The following CLEC4E variants were observed in gnomAD, a reference collection of about 807,000 sequenced individuals.
CLEC4E encodes C-type (calcium dependent, carbohydrate-recognition domain) lectin, superfamily member 9.
Under a neutral mutation model 24.7 loss-of-function variants are expected in CLEC4E, and 21 were observed. That is an observed-to-expected ratio of 0.85 (90% CI 0.60 to 1.22). The LOEUF is 1.22. CLEC4E is among the 50% of genes most tolerant of loss of function. The pLI is 0.00. For synonymous variants in CLEC4E, 94 were observed against 85.7 expected (o/e 1.10, Z -0.54); for missense variants, 249 against 254.1 (o/e 0.98, Z 0.14).
rs111994062 is a variant in CLEC4E, at chr12:8,539,839, G to A, written c.130+16C>T. On this transcript the variant is annotated intron_variant, in intron 2 of 5. Transcript: ENST00000299663. ...CACCAGGAAGAATTAAATTGAATTT[G>A]ACCTTCAGAACCCACCAACACATCT... 1,396 of 1,514,016 alleles carry A rather than the reference G, an allele frequency of 9.2e-4. 14 individuals carry two copies. In the African/African-American group the frequency reaches 0.016, roughly 17 times the overall value. The allele number at this position is 1,514,016 out of a possible 1,614,324, so 93.8% of individuals were successfully genotyped here. A position where few individuals can be genotyped will look rare whatever the true frequency, so the allele number is the denominator to read the frequency against.
chr12:8,536,590 C>G (rs770574551), intron 4 of CLEC4E, among the ~76,000 whole-genome samples: 1 of 152,018 alleles, frequency 6.6e-6, no homozygotes, highest in African/African-American at 2.4e-5. Flanking sequence ...TGAGAAATAA[C>G]AGATAAGTGA....
chr12:8,535,608 C>T (rs796229065), intron 5 of CLEC4E, among the ~76,000 whole-genome samples: 3 of 152,096 alleles, frequency 2.0e-5, no homozygotes, highest in African/African-American at 7.2e-5. Flanking sequence ...CACTCCCTAA[C>T]AAATCATGAG....
At chr12:8,538,081 A>G (rs1351646536) in intron 3 of CLEC4E, among the ~76,000 whole-genome samples, 1 of 152,222 alleles carries the variant, frequency 6.6e-6, no homozygotes, top group Non-Finnish European at 1.5e-5. Flanking sequence ...GTTAAGTGTC[A>G]AGGGAAAACA....
Position 8,539,251 on chromosome 12 carries a change from A to G in CLEC4E, c.186T>C (p.Asn62=). The change falls in exon 3 of 6, where the codon AAT becomes AAC. Residue 62 remains asparagine (N), a synonymous_variant. Transcript: ENST00000299663. The part of the protein sequence containing the change: ...CDEKKFQLPE[N]FTELSCYNYG... Reference sequence around the variant, plus strand: ...AATTGTAGCAGGAGAGCTCTGTGAAATTCTCAGGTAGCTGAAACTTTTTCT... The same window carrying G: ...AATTGTAGCAGGAGAGCTCTGTGAAGTTCTCAGGTAGCTGAAACTTTTTCT... The G allele has an allele frequency of 3.1e-6, 5 of 1,613,396 alleles. No homozygotes were observed. Among genetic ancestry groups the G allele is most frequent in the Non-Finnish European group, 4.2e-6 (5 of 1,179,464 alleles).
In CLEC4E at chr12:8,539,227, A is replaced by G; in HGVS notation, c.210T>C (p.Asn70=). The G allele has an allele frequency of 6.2e-7, 1 of 1,608,088 alleles. No homozygotes were observed. Among genetic ancestry groups the G allele is most frequent in the Non-Finnish European group, 8.5e-7 (1 of 1,174,796 alleles). Residue 70 remains asparagine, a synonymous_variant, in exon 3 of 6, where the codon AAT becomes AAC. Transcript: ENST00000299663. ...TTGGGACTATTATACCTGATCCATA[A>G]TTGTAGCAGGAGAGCTCTGTGAAAT... is the stretch of plus-strand genomic sequence containing the variant. The part of the protein sequence containing the change: ...PENFTELSCY[N]YGSGSVKNCC...
Position 8,540,844 on chromosome 12 carries a change from T to A in CLEC4E, c.-47A>T. ...TTGTTTCTCTCTCTCTCTTTTTCTC[T>A]CCCTCCCTCTCTTTCTTTCTCCTCA... On this transcript the variant is annotated 5_prime_UTR_variant, in exon 1 of 6. Coordinates refer to ENST00000299663, the MANE Select transcript of CLEC4E (RefSeq NM_014358.4). The A allele has an allele frequency of 8.4e-7, 1 of 1,185,294 alleles. No individual in the cohort carries two copies. Among genetic ancestry groups the A allele is most frequent in the Non-Finnish European group, 1.3e-6 (1 of 790,294 alleles). The allele number at this position is 1,185,294 out of a possible 1,614,324, so 73.4% of individuals were successfully genotyped here.
chr12:8,540,700 A>G (rs1940688835), intron 1 of CLEC4E, 61 bp downstream of exon 1: 1 of 1,437,124 alleles, frequency 7.0e-7, no homozygotes, highest in South Asian at 1.1e-5. Context: ...GTCTTTCACC[A>G]TATTTATCAC....
chr12:8,537,408 T>G, intron 3 of CLEC4E, 142 bp from the exon 4 acceptor site: 1 of 618,282 alleles, frequency 1.6e-6, no homozygotes, highest in Non-Finnish European at 2.7e-6. Context: ...TATCTAAGAC[T>G]TTAGATAATT....
rs759480111 is a variant in CLEC4E, at chr12:8,537,123, C to T, written c.364G>A (p.Glu122Lys). The change falls in exon 4 of 6, where the codon GAG becomes AAG. Residue 122 changes from glutamate to lysine, a missense_variant. Transcript: ENST00000299663. ...CGGAGGACTCCAGCTACCTGCTCCT[C>T]CTGTGAGTTGATAACCACCAGGTGA... ...GAHLVVINSQ[E>K]EQEFLSYKKP... is the part of the protein sequence containing the mutation. 3.7e-6 allele frequency: 6 copies of T among 1,612,572 alleles called. No individual in the cohort carries two copies. Among genetic ancestry groups the T allele is most frequent in the Non-Finnish European group, 5.1e-6 (6 of 1,179,050 alleles).
At position 8,536,985 on chromosome 12, in the gene CLEC4E, A is replaced by C. The variant is rs1940623872; in HGVS notation, c.372+130T>G. On this transcript the variant is annotated intron_variant, in intron 4 of 5. Transcript: ENST00000299663. ...AGGTAGGCAGTGACTTTACCGAAAT[A>C]GTAAGAACAGCATGCATTTTAGTAC... The C allele has an allele frequency of 3.8e-6, 3 of 782,220 alleles. No homozygotes were observed. The South Asian group carries it at 1.1e-4, about 30-fold the overall frequency. The allele number at this position is 782,220 out of a possible 1,614,324, so 48.5% of individuals were successfully genotyped here.
chr12:8,540,697 A>G, intron 1 of CLEC4E, 64 bp downstream of exon 1: 1 of 1,405,638 alleles, frequency 7.1e-7, no homozygotes, highest in Non-Finnish European at 1.0e-6. Flanking sequence ...CCTGTCTTTC[A>G]CCATATTTAT....
intron 3 of CLEC4E, among the ~76,000 whole-genome samples, chr12:8,537,874 T>C (rs1940636592): frequency 6.6e-6 from 1 of 152,244 alleles, no homozygotes; most frequent in African/African-American, 2.4e-5. Flanking sequence ...CCTCGCTCTA[T>C]AATCATAGCC....
At chr12:8,535,855 G>A (rs760737737) in intron 5 of CLEC4E, among the ~76,000 whole-genome samples, 68 of 151,980 alleles carry the variant, frequency 4.5e-4, no homozygotes, top group Non-Finnish European at 9.1e-4. Flanking sequence ...TCCACCTCTC[G>A]TCTCTTTTGC....
Position 8,539,965 on chromosome 12 carries a change from C to A in CLEC4E, c.38-18G>T. The A allele has an allele frequency of 1.4e-6, 2 of 1,420,624 alleles. No individual in the cohort carries two copies. The highest frequency in any genetic ancestry group is 2.3e-5 in the East Asian group (1 of 44,002). 88.0% of individuals were successfully genotyped at this position (1,420,624 alleles called of 1,614,324 possible). A position where few individuals can be genotyped will look rare whatever the true frequency, so the allele number is the denominator to read the frequency against. Reference sequence around the variant, plus strand: ...TCCTCTCTCTGTAGAAAGAAAGACACAAACATGATCAATCTTCCCTAAGCA... The same window carrying A: ...TCCTCTCTCTGTAGAAAGAAAGACAAAAACATGATCAATCTTCCCTAAGCA... On this transcript the variant is annotated intron_variant, in intron 1 of 5. Transcript: ENST00000299663.
chr12:8,536,995 G>C (rs945381792), intron 4 of CLEC4E, 120 bp downstream of exon 4: 3 of 848,336 alleles, frequency 3.5e-6, no homozygotes, highest in South Asian at 3.1e-5. Context: ...AGTAAGAACA[G>C]CATGCATTTT....
At chr12:8,537,412 G>T in intron 3 of CLEC4E, 146 bp from the exon 4 acceptor site, 1 of 609,612 alleles carries the variant, frequency 1.6e-6, no homozygotes, top group Non-Finnish European at 2.7e-6. Flanking sequence ...TAAGACTTTA[G>T]ATAATTCCAA....
Position 8,536,145 on chromosome 12 carries a change from C to T in CLEC4E, c.433G>A (p.Val145Ile), listed in dbSNP as rs761224325. The change falls in exon 5 of 6, where the codon GTT becomes ATT. Residue 145 changes from valine to isoleucine, a missense_variant. Coordinates refer to ENST00000299663, the MANE Select transcript of CLEC4E (RefSeq NM_014358.4). Reference sequence around the variant, plus strand: ...ACCCATTGCCACTGACCCTCGACAACCTGGTCTGACAGTCCAATAAAAAAC... The same window carrying T: ...ACCCATTGCCACTGACCCTCGACAATCTGGTCTGACAGTCCAATAAAAAAC... The part of the protein sequence containing the change: ...REFFIGLSDQ[V>I]VEGQWQWVDG... The T allele has an allele frequency of 8.1e-6, 13 of 1,613,578 alleles. No homozygotes were observed. Among genetic ancestry groups the T allele is most frequent in the Non-Finnish European group, 7.6e-6 (9 of 1,179,636 alleles).
chr12:8,539,489 T>C (rs1397083873), intron 2 of CLEC4E, among the ~76,000 whole-genome samples, 183 bp from the exon 3 acceptor site: 1 of 152,188 alleles, frequency 6.6e-6, no homozygotes, highest in East Asian at 1.9e-4. Flanking sequence ...TCCAACTCTC[T>C]CTACCCTTCC....
intron 3 of CLEC4E, among the ~76,000 whole-genome samples, 175 bp from the exon 4 acceptor site, chr12:8,537,441 G>A (rs1940630631): frequency 6.6e-6 from 1 of 152,136 alleles, no homozygotes; most frequent in Non-Finnish European, 1.5e-5. Context: ...AACATAAACA[G>A]AATGTTTTTG....
Sources: gnomAD v4.1 joint callset for allele counts (sites outside exome capture counted in the v4.1 genomes callset) on GRCh38, gnomAD v4.1.1 for gene constraint, MANE v1.5 for transcripts, NCBI Gene and HGNC (gene_info 2026-07-23, HGNC 2026-07-21) for gene names.